The following TNR variants were observed in gnomAD, a reference collection of about 807,000 sequenced individuals.
The protein encoded by TNR is tenascin-R.
TNR carries 45 observed loss-of-function variants against 150.4 expected under a neutral mutation model. That is an observed-to-expected ratio of 0.30 (90% confidence interval 0.24 to 0.38). The LOEUF is 0.38. Ranked by LOEUF, TNR falls within the 10% of genes least tolerant of loss-of-function variation. The probability of loss-of-function intolerance (pLI) is 1.00; values close to 1 mark genes in which losing one functional copy is unlikely to be tolerated. For missense variants in TNR, 1,544 were observed against 1,759.1 expected (o/e 0.88, Z 2.19); for synonymous variants, 687 against 678.4 (o/e 1.01, Z -0.20).
At chr1:175,453,439 C>T (rs1656417553) in intron 2 of TNR, among the ~76,000 whole-genome samples, 1 of 152,024 alleles carries the variant, frequency 6.6e-6, no homozygotes, top group Non-Finnish European at 1.5e-5. Context: ...CAAAGATGAG[C>T]CCGGAGAGGG....
chr1:175,383,110 T>C (rs1652764861), intron 8 of TNR, among the ~76,000 whole-genome samples: 10 of 152,140 alleles, frequency 6.6e-5, no homozygotes, highest in Admixed American at 6.5e-4. Flanking sequence ...GGTGTTCTTC[T>C]TGTGGGCATG....
intron 4 of TNR, 31 bp downstream of exon 4, chr1:175,403,109 G>A: frequency 6.4e-7 from 1 of 1,574,388 alleles, no homozygotes; most frequent in Non-Finnish European, 8.7e-7. Context: ...GACCACCCTT[G>A]CCAAACACCC....
At chr1:175,664,908 A>G (rs1665490250) in intron 1 of TNR, among the ~76,000 whole-genome samples, 2 of 152,256 alleles carry the variant, frequency 1.3e-5, no homozygotes, top group African/African-American at 4.8e-5. Flanking sequence ...GATGGCCCAA[A>G]GACAGCATAC....
At chr1:175,634,616 T>G (rs1373707539) in intron 1 of TNR, among the ~76,000 whole-genome samples, 1 of 152,132 alleles carries the variant, frequency 6.6e-6, no homozygotes, top group Non-Finnish European at 1.5e-5. Flanking sequence ...ACAGGACTCA[T>G]GGGCTTGAAA....
intron 1 of TNR, among the ~76,000 whole-genome samples, chr1:175,621,117 G>A (rs1663961633): frequency 6.6e-6 from 1 of 152,180 alleles, no homozygotes; most frequent in Non-Finnish European, 1.5e-5. Context: ...GGAGGGTGGA[G>A]ACCTCTTCTT....
At chr1:175,550,947 C>A (rs1315159806) in intron 1 of TNR, among the ~76,000 whole-genome samples, 1 of 151,984 alleles carries the variant, frequency 6.6e-6, no homozygotes, top group Non-Finnish European at 1.5e-5. Flanking sequence ...AAAAGTGAGG[C>A]AATCTCCCAG....
At chr1:175,534,412 A>G (rs1660189776) in intron 1 of TNR, among the ~76,000 whole-genome samples, 1 of 152,196 alleles carries the variant, frequency 6.6e-6, no homozygotes, top group Non-Finnish European at 1.5e-5. Flanking sequence ...GTCACTATCC[A>G]CACACAGGTG....
intron 1 of TNR, among the ~76,000 whole-genome samples, chr1:175,721,468 A>G (rs918126570): frequency 6.6e-6 from 1 of 151,910 alleles, no homozygotes; most frequent in East Asian, 1.9e-4. Context: ...TGTTCACCCC[A>G]CCCAGGTTTT....
intron 7 of TNR, among the ~76,000 whole-genome samples, chr1:175,387,302 T>C (rs1158372069): frequency 6.6e-6 from 1 of 152,246 alleles, no homozygotes; most frequent in Non-Finnish European, 1.5e-5. Context: ...TTATTGGGGC[T>C]ACACCCTTCT....
At chr1:175,541,600 G>T (rs907323977) in intron 1 of TNR, among the ~76,000 whole-genome samples, 2 of 152,062 alleles carry the variant, frequency 1.3e-5, no homozygotes, top group Non-Finnish European at 1.5e-5. Context: ...GAATGAGTTT[G>T]TGCAGAGAAC....
intron 1 of TNR, among the ~76,000 whole-genome samples, chr1:175,689,247 G>A (rs552900973): frequency 1.3e-5 from 2 of 152,310 alleles, no homozygotes; most frequent in South Asian, 2.1e-4. Context: ...GCCACCCAGA[G>A]GGACTCCAGA....
Position 175,406,600 on chromosome 1 carries a change from T to A in TNR, c.115A>T (p.Arg39Trp), listed in dbSNP as rs1170309304. ...SECQLEVTTE[R>W]VQRQSVEEEG... ...TCCTCCACTGACTGTCTCTGGACCC[T>A]TTCTGTGGTGACCTCCAGCTGACAC... is the stretch of plus-strand genomic sequence containing the variant. The change falls in exon 3 of 23, where the codon AGG becomes TGG. Residue 39 changes from arginine to tryptophan, a missense_variant. Around this residue, in one of 2 missense-constraint regions of TNR, gnomAD observed 1,254 missense variants for 1,329.4 expected, o/e 0.94. Transcript: ENST00000367674. The A allele has an allele frequency of 2.5e-6, 4 of 1,614,230 alleles. No homozygotes were observed. The highest frequency in any genetic ancestry group is 3.4e-6 in the Non-Finnish European group (4 of 1,180,042).
chr1:175,366,314 G>A (rs1180381894), intron 10 of TNR, among the ~76,000 whole-genome samples, 176 bp from the exon 11 acceptor site: 1 of 152,202 alleles, frequency 6.6e-6, no homozygotes, highest in Non-Finnish European at 1.5e-5. Flanking sequence ...ATGATGGCCA[G>A]GGGCTTGGCA....
intron 2 of TNR, among the ~76,000 whole-genome samples, chr1:175,509,747 A>G (rs138042490): frequency 2.0e-5 from 3 of 152,054 alleles, no homozygotes; most frequent in Non-Finnish European, 4.4e-5. Flanking sequence ...CTGTATCTAA[A>G]CTCTTTCTAA....
intron 2 of TNR, among the ~76,000 whole-genome samples, chr1:175,437,483 C>G (rs1001820784): frequency 2.0e-5 from 3 of 152,098 alleles, no homozygotes; most frequent in Admixed American, 2.0e-4. Context: ...GAAGCAAGAG[C>G]AAATACATTC....
At chr1:175,616,770 T>C (rs1010863242) in intron 1 of TNR, among the ~76,000 whole-genome samples, 3 of 152,158 alleles carry the variant, frequency 2.0e-5, no homozygotes, top group Non-Finnish European at 2.9e-5. Flanking sequence ...TGGGCTCTAG[T>C]GTTCCCAGCT....
At chr1:175,604,506 G>T (rs1438226542) in intron 1 of TNR, among the ~76,000 whole-genome samples, 3 of 152,166 alleles carry the variant, frequency 2.0e-5, no homozygotes, top group Non-Finnish European at 4.4e-5. Flanking sequence ...TGGGAAGGCT[G>T]GGCAGCATAA....
intron 1 of TNR, among the ~76,000 whole-genome samples, chr1:175,733,446 C>T (rs1013334878): frequency 3.2e-4 from 48 of 152,142 alleles, no homozygotes; most frequent in Non-Finnish European, 1.2e-4. Context: ...AAGACACGGC[C>T]GGAGAAGTCA....
intron 1 of TNR, among the ~76,000 whole-genome samples, chr1:175,602,203 C>CAAAAAA (rs57341654): frequency 1.3e-3 from 40 of 30,552 alleles, no homozygotes; most frequent in Non-Finnish European, 2.0e-3. Context: ...GGACCAAAGG[C>CAAAAAA]AAAAAAAAAA....
Sources: gnomAD v4.1 joint callset for allele counts (sites outside exome capture counted in the v4.1 genomes callset) on GRCh38, gnomAD v4.1.1 for gene constraint, gnomAD v4.1.1 regional missense constraint, MANE v1.5 for transcripts, NCBI Gene and HGNC (gene_info 2026-07-23, HGNC 2026-07-21) for gene names.